EFHC2: variants seen among roughly 807,000 people sequenced by gnomAD.
The protein encoded by EFHC2 is EF-hand domain-containing family member C2.
Under a neutral mutation model 52.7 loss-of-function variants are expected in EFHC2, and 18 were observed. The ratio of observed to expected loss-of-function variants is 0.34; its 90% confidence interval spans 0.24 to 0.51. The LOEUF is 0.51. Among genes scored for constraint, EFHC2 ranks in the 20% least tolerant of loss-of-function variants. The probability of loss-of-function intolerance (pLI) is 0.97; values close to 1 mark genes in which losing one functional copy is unlikely to be tolerated. For missense variants in EFHC2, 513 were observed against 562.5 expected (o/e 0.91, Z 0.89); for synonymous variants, 203 against 204.1 (o/e 0.99, Z 0.04).
At chrX:44,239,167 G>A (rs972409488) in intron 8 of EFHC2, among the ~76,000 whole-genome samples, 1 of 112,144 alleles carries the variant, frequency 8.9e-6, no homozygotes, top group African/African-American at 3.2e-5. Context: ...GGTGGGGACA[G>A]CAGATGGACA....
At chrX:44,160,932 A>G (rs1339404344) in intron 14 of EFHC2, among the ~76,000 whole-genome samples, 1 of 111,865 alleles carries the variant, frequency 8.9e-6, no homozygotes, top group Non-Finnish European at 1.9e-5. Context: ...AAAAAAAAAA[A>G]AGAGATTAAT....
intron 2 of EFHC2, among the ~76,000 whole-genome samples, chrX:44,282,378 T>A (rs1267410966): frequency 2.1e-5 from 2 of 96,732 alleles, no homozygotes; most frequent in African/African-American, 7.7e-5. Flanking sequence ...CCGAGGCAGG[T>A]GGAACACCTG....
rs1313391806 is a variant in EFHC2 at position 44,248,260 on chromosome X, T to C, written c.1111+12A>G. 4 of 1,120,321 alleles carry C rather than the reference T, an allele frequency of 3.6e-6. No individual in the cohort carries two copies. The highest frequency in any genetic ancestry group is 4.1e-5 in the South Asian group (2 of 48,663). The allele number at this position is 1,120,321 out of a possible 1,213,427, so 92.3% of individuals were successfully genotyped here. ...TTTAAAAATATTTTTAATTGACATA[T>C]GTATCACTTACCAATTCCATATTTA... On this transcript the variant is annotated intron_variant, in intron 7 of 14. Coordinates refer to ENST00000420999, the MANE Select transcript of EFHC2 (RefSeq NM_025184.4).
intron 4 of EFHC2, among the ~76,000 whole-genome samples, chrX:44,258,951 G>A (rs1217458671): frequency 9.0e-6 from 1 of 111,336 alleles, no homozygotes; most frequent in Non-Finnish European, 1.9e-5. Context: ...ACTGTTGGTG[G>A]GAGTGTAAAT....
At chrX:44,274,297 T>C (rs757543380) in intron 2 of EFHC2, among the ~76,000 whole-genome samples, 2 of 112,115 alleles carry the variant, frequency 1.8e-5, no homozygotes, top group African/African-American at 6.5e-5. Flanking sequence ...CTGGCCTGAC[T>C]CCAATTAGGT....
At chrX:44,303,676 A>G (rs931020143) in intron 2 of EFHC2, among the ~76,000 whole-genome samples, 3 of 110,584 alleles carry the variant, frequency 2.7e-5, no homozygotes, top group Non-Finnish European at 3.8e-5. Flanking sequence ...GGACCAAATT[A>G]TATTTTAAAA....
intron 11 of EFHC2, among the ~76,000 whole-genome samples, chrX:44,193,915 A>T (rs1157863337): frequency 1.8e-5 from 2 of 111,761 alleles, no homozygotes; most frequent in Non-Finnish European, 3.8e-5. Flanking sequence ...GGGGCAGAGT[A>T]AAAGCTGGGA....
intron 4 of EFHC2, among the ~76,000 whole-genome samples, chrX:44,257,718 T>G (rs1340835869): frequency 8.9e-6 from 1 of 111,744 alleles, no homozygotes; most frequent in African/African-American, 3.3e-5. Context: ...CCAAGGTAAT[T>G]TATAGATTCA....
intron 11 of EFHC2, among the ~76,000 whole-genome samples, chrX:44,221,080 C>A (rs1441091695): frequency 8.9e-6 from 1 of 111,922 alleles, no homozygotes; most frequent in African/African-American, 3.2e-5. Flanking sequence ...GGCATCTTTT[C>A]ATAGGTTTAA....
chrX:44,293,014 G>A (rs1420304548), intron 2 of EFHC2, among the ~76,000 whole-genome samples: 7 of 96,425 alleles, frequency 7.3e-5, no homozygotes, highest in African/African-American at 1.6e-4. Context: ...TCGCTCTGTC[G>A]CCCAGGCTGG....
chrX:44,234,283 G>A (rs1438782981), intron 9 of EFHC2, among the ~76,000 whole-genome samples: 1 of 112,040 alleles, frequency 8.9e-6, no homozygotes, highest in African/African-American at 3.2e-5. Context: ...TTTCATACAT[G>A]CTGCAACTTG....
At chrX:44,333,772 C>T (rs149297623) in intron 1 of EFHC2, among the ~76,000 whole-genome samples, 1,595 of 110,594 alleles carry the variant, frequency 0.014, 29 homozygotes, top group African/African-American at 0.049. Context: ...CCATGTGCAT[C>T]AATTTTAGCA....
intron 1 of EFHC2, among the ~76,000 whole-genome samples, chrX:44,318,666 G>A (rs901206391): frequency 4.5e-5 from 5 of 111,753 alleles, no homozygotes; most frequent in African/African-American, 6.5e-5. Context: ...GCCCTTCGTC[G>A]TGTACATGCA....
At chrX:44,298,032 G>C (rs2037840270) in intron 2 of EFHC2, among the ~76,000 whole-genome samples, 1 of 106,507 alleles carries the variant, frequency 9.4e-6, no homozygotes, top group Non-Finnish European at 1.9e-5. Flanking sequence ...GGTTGAGAGA[G>C]ATGGAATAAA....
chrX:44,248,425 G>C lies in EFHC2; in HGVS notation c.973-15C>G, dbSNP rs753597647. On this transcript the variant is annotated splice_polypyrimidine_tract_variant and intron_variant, in intron 6 of 14. Transcript: ENST00000420999. Reference sequence around the variant, plus strand: ...ACTTTTCCTAGCTAAAAAAGACAAAGGAACATAGCATTGGCACCATGGACC... The same window carrying C: ...ACTTTTCCTAGCTAAAAAAGACAAACGAACATAGCATTGGCACCATGGACC... 2.4e-5 allele frequency: 29 copies of C among 1,186,443 alleles called. No individual in the cohort carries two copies. The highest frequency in any genetic ancestry group is 2.5e-5 in the Non-Finnish European group (22 of 882,938).
chrX:44,232,613 T>G lies in EFHC2; in HGVS notation c.1488A>C (p.Lys496Asn). 11 of 1,198,411 alleles carry G rather than the reference T, an allele frequency of 9.2e-6. No homozygotes were observed. Among genetic ancestry groups the G allele is most frequent in the Non-Finnish European group, 1.2e-5 (11 of 888,313 alleles). ...RVKKPGQEVF[K>N]SELSEYIKAE... ...CCTTGATATATTCAGATAGTTCACTTTTAAAGACTTCTTGTCCAGGCTTCT... is the reference window on the plus strand; with the variant it reads ...CCTTGATATATTCAGATAGTTCACTGTTAAAGACTTCTTGTCCAGGCTTCT... The change falls in exon 10 of 15, where the codon AAA becomes AAC. Residue 496 changes from lysine to asparagine, a missense_variant. By Grantham distance (94) the Lys-to-Asn change is moderately conservative. Transcript: ENST00000420999.
intron 5 of EFHC2, 120 bp from the exon 6 acceptor site, chrX:44,249,036 T>C (rs1004182553): frequency 5.4e-5 from 22 of 405,911 alleles, no homozygotes; most frequent in Non-Finnish European, 7.6e-5. Context: ...ATGAATAAAA[T>C]GAATTAACTA....
At chrX:44,316,956 C>G (rs1467535800) in intron 1 of EFHC2, among the ~76,000 whole-genome samples, 1 of 112,085 alleles carries the variant, frequency 8.9e-6, no homozygotes. Flanking sequence ...ACTGTTAGTA[C>G]TTGAGACCGT....
At chrX:44,175,836 G>C (rs778370094) in intron 13 of EFHC2, among the ~76,000 whole-genome samples, 1 of 111,619 alleles carries the variant, frequency 9.0e-6, no homozygotes, top group Admixed American at 9.5e-5. Context: ...TTAGAAAGCA[G>C]TTCACCATGC....
Sources: gnomAD v4.1 joint callset for allele counts (sites outside exome capture counted in the v4.1 genomes callset) on GRCh38, gnomAD v4.1.1 for gene constraint, MANE v1.5 for transcripts, NCBI Gene and HGNC (gene_info 2026-07-23, HGNC 2026-07-21) for gene names.